PRC1: variants seen among roughly 807,000 people sequenced by gnomAD.
PRC1 encodes protein regulator of cytokinesis 1, also known as anaphase spindle elongation 1 homolog.
In PRC1, 54 loss-of-function variants were observed where a neutral mutation model predicts 91.2. The observed-to-expected ratio is 0.59, with a 90% CI of 0.48 to 0.74. The LOEUF is 0.74. PRC1 is among the 30% of genes least tolerant of loss of function. The pLI is 0.00. For synonymous variants in PRC1, 275 were observed against 263.6 expected, an observed-to-expected ratio of 1.04 and a Z score of -0.42; for missense variants, 727 against 746.2, an observed-to-expected ratio of 0.97 and a Z score of 0.30.
At position 90,982,552 on chromosome 15, in the gene PRC1, A is replaced by G. The variant is rs538468325; in HGVS notation, c.268-571T>C. On this transcript the variant is annotated intron_variant, in intron 3 of 14. Transcript: ENST00000394249. ...TCACGAGGTCAGCAGTTTGAGACCA[A>G]CCTGGCCAACATGGTGAAACCCCGT... 8 of 153,138 alleles carry G rather than the reference A, an allele frequency of 5.2e-5. No homozygotes were observed. The South Asian group carries it at 8.2e-4, about 16-fold the overall frequency. 9.5% of individuals were successfully genotyped at this position (153,138 alleles called of 1,614,324 possible).
At position 90,981,750 on chromosome 15, in the gene PRC1, T is replaced by C. The variant is rs1387781059; in HGVS notation, c.499A>G (p.Lys167Glu). The C allele has an allele frequency of 1.2e-6, 2 of 1,610,260 alleles. No individual in the cohort carries two copies. Among genetic ancestry groups the C allele is most frequent in the Admixed American group, 1.7e-5 (1 of 59,708 alleles). The change falls in exon 4 of 15, where the codon AAG (lysine) becomes GAG (glutamate). Residue 167 changes from lysine (K) to glutamate (E), a missense_variant and splice_region_variant. By Grantham distance (56) the Lys-to-Glu change is moderately conservative (BLOSUM62 1). Coordinates refer to ENST00000394249, the MANE Select transcript of PRC1 (RefSeq NM_003981.4). ...RQHVTTLRET[K>E]ASRREEFVSI... ...AAGAACAAATGTAGGCAGTGTACCT[T>C]TGTTTCCCTCAAAGTTGTCACATGT...
Position 90,974,442 on chromosome 15 carries a change from C to T in PRC1, c.1350+143G>A, listed in dbSNP as rs1361372201. ...CCCCGGTCCCCGGCTCCCCGTTCCACAAGCCCCGGTCCCCGGCTTCCCGTT... is the reference window on the plus strand; with the variant it reads ...CCCCGGTCCCCGGCTCCCCGTTCCATAAGCCCCGGTCCCCGGCTTCCCGTT... On this transcript the variant is annotated intron_variant, in intron 10 of 14. Coordinates refer to ENST00000394249, the MANE Select transcript of PRC1 (RefSeq NM_003981.4). The surrounding 1 kb of genome is among the most constrained non-coding windows in gnomAD (Gnocchi z 4.6). The T allele has an allele frequency of 6.1e-6, 8 of 1,315,642 alleles. No individual in the cohort carries two copies. The East Asian group carries it at 9.3e-5, about 15-fold the overall frequency. 81.5% of individuals were successfully genotyped at this position (1,315,642 alleles called of 1,614,324 possible). A position where few individuals can be genotyped will look rare whatever the true frequency, so the allele number is the denominator to read the frequency against.
intron 11 of PRC1, 129 bp from the exon 12 acceptor site, chr15:90,970,643 G>T: frequency 1.5e-6 from 1 of 660,704 alleles, no homozygotes; most frequent in Non-Finnish European, 2.7e-6. Context: ...CATGGTGAAG[G>T]GCCTGCTGTG....
intron 14 of PRC1, chr15:90,967,814 C>G (rs902175669): frequency 3.1e-6 from 3 of 980,038 alleles, no homozygotes; most frequent in Non-Finnish European, 3.6e-6. Flanking sequence ...AGAACATATC[C>G]CTGTCATTAA....
intron 11 of PRC1, among the ~76,000 whole-genome samples, 190 bp from the exon 12 acceptor site, chr15:90,970,704 T>C (rs2038046481): frequency 6.6e-6 from 1 of 152,224 alleles, no homozygotes; most frequent in Admixed American, 6.5e-5. Flanking sequence ...TCAAAGCCTA[T>C]TGCTATCCAG....
chr15:90,990,365 AAAATAAAT>A (rs1186419876), intron 1 of PRC1, among the ~76,000 whole-genome samples: 4 of 146,712 alleles, frequency 2.7e-5, no homozygotes, highest in Non-Finnish European at 4.5e-5. Context: ...AATAAAAAAT[AAAATAAAT>A]AAATAAATAA....
chr15:90,966,567 C>G lies in PRC1; in HGVS notation c.*564G>C. ...TGAACACAATTTAACAAAGCTGCTC[C>G]CAGCCTTCCTGTCACCTCTTTGGCA... On this transcript the variant is annotated 3_prime_UTR_variant, in exon 15 of 15. Transcript: ENST00000394249. The G allele has an allele frequency of 2.2e-6, 1 of 456,024 alleles. No individual in the cohort carries two copies. The highest frequency in any genetic ancestry group is 4.4e-6 in the Non-Finnish European group (1 of 226,832). 28.2% of individuals were successfully genotyped at this position (456,024 alleles called of 1,614,324 possible).
At chr15:90,981,400 A>G in intron 5 of PRC1, 99 bp downstream of exon 5, 1 of 1,354,860 alleles carries the variant, frequency 7.4e-7, no homozygotes, top group South Asian at 1.3e-5. Flanking sequence ...CTCTTACCTT[A>G]CATTGTCTCC....
At chr15:90,989,214 T>C (rs1394081086) in intron 1 of PRC1, among the ~76,000 whole-genome samples, 1 of 152,114 alleles carries the variant, frequency 6.6e-6, no homozygotes, top group Non-Finnish European at 1.5e-5. Context: ...TGCAAGACGG[T>C]ACAGCCTCTT....
In PRC1 at chr15:90,966,694, T is replaced by G. The variant is rs751352898; in HGVS notation, c.*437A>C. 21 of 455,916 alleles carry G rather than the reference T, an allele frequency of 4.6e-5. No individual in the cohort carries two copies. The highest frequency in any genetic ancestry group is 8.4e-5 in the Non-Finnish European group (19 of 226,910). 28.2% of individuals were successfully genotyped at this position (455,916 alleles called of 1,614,324 possible). On this transcript the variant is annotated 3_prime_UTR_variant, in exon 15 of 15. Coordinates refer to ENST00000394249, the MANE Select transcript of PRC1 (RefSeq NM_003981.4). ...AAGGCTTCAGGTAAGAGCAAAGCTA[T>G]GATAGCTACAGCATTAATTGAACAT...
chr15:90,969,155 T>A, intron 13 of PRC1, 35 bp from the exon 14 acceptor site: 1 of 1,588,344 alleles, frequency 6.3e-7, no homozygotes, highest in Non-Finnish European at 8.6e-7. Context: ...TACCAAGAAC[T>A]CCACCAAGAG....
In PRC1 at chr15:90,967,834, G is replaced by A. The variant is rs1464774774; in HGVS notation, c.1792-632C>T. On this transcript the variant is annotated intron_variant, in intron 14 of 14. Transcript: ENST00000394249. ...ATATCCCTGTCATTAAGCGAGGCAT[G>A]ACTCTACTTCACAGAGCTACTTTAG... 5.1e-6 allele frequency: 5 copies of A among 984,864 alleles called. No individual in the cohort carries two copies. In the African/African-American group the frequency reaches 5.2e-5, roughly 10 times the overall value. 61.0% of individuals were successfully genotyped at this position (984,864 alleles called of 1,614,324 possible).
chr15:90,989,094 A>G (rs2039785968), intron 1 of PRC1, among the ~76,000 whole-genome samples: 1 of 152,224 alleles, frequency 6.6e-6, no homozygotes, highest in South Asian at 2.1e-4. Flanking sequence ...GGAAATGCAA[A>G]TCAAAACCAC....
chr15:90,991,018 C>T (rs1022009171), intron 1 of PRC1, among the ~76,000 whole-genome samples: 30 of 151,342 alleles, frequency 2.0e-4, no homozygotes, highest in Admixed American at 1.5e-3. Flanking sequence ...ACCTCGTGAT[C>T]CGACCGCCTC....
Position 90,979,249 on chromosome 15 carries a change from A to G in PRC1, c.1016T>C (p.Val339Ala). 1.2e-6 allele frequency: 2 copies of G among 1,614,212 alleles called. No individual in the cohort carries two copies. Among genetic ancestry groups the G allele is most frequent in the South Asian group, 1.1e-5 (1 of 91,086 alleles). ...SLLQLHDAEIVRLKNYYEVHK... is the reference protein window; with the variant it reads ...SLLQLHDAEIARLKNYYEVHK... Reference sequence around the variant, plus strand: ...AACTTCATAGTAGTTTTTTAACCGCACAATCTCAGCATCGTGGAGCTGGAG... The same window carrying G: ...AACTTCATAGTAGTTTTTTAACCGCGCAATCTCAGCATCGTGGAGCTGGAG... The change falls in exon 8 of 15, where the codon GTG (valine) becomes GCG (alanine). Residue 339 changes from valine (V) to alanine (A), a missense_variant. Transcript: ENST00000394249.
At chr15:90,969,657 C>A in intron 12 of PRC1, 34 bp from the exon 13 acceptor site, 1 of 1,552,066 alleles carries the variant, frequency 6.4e-7, no homozygotes, top group South Asian at 1.2e-5. Context: ...ATGTATCATC[C>A]TTCTAATGAA....
chr15:90,987,470 A>G (rs2039668963), intron 1 of PRC1, among the ~76,000 whole-genome samples: 1 of 152,196 alleles, frequency 6.6e-6, no homozygotes, highest in East Asian at 1.9e-4. Context: ...TTATTCTTCA[A>G]TTACCAAAAG....
rs373451090 is a variant in PRC1 at position 90,981,545 on chromosome 15, C to G, written c.626G>C (p.Cys209Ser). The stretch of plus-strand genomic sequence containing the variant: ...TGTTGCAATATTCTCCAAAGACAAA[C>G]AAAAGGCATCTTCGTCTTCACACAC... ...DVVCEDEDAF[C>S]LSLENIATLQ... The change falls in exon 5 of 15, where the codon TGT (cysteine) becomes TCT (serine). Residue 209 changes from cysteine (C) to serine (S), a missense_variant. By Grantham distance (112) the Cys-to-Ser change is moderately radical (BLOSUM62 -1). Transcript: ENST00000394249. 6.2e-7 allele frequency: 1 copy of G among 1,613,922 alleles called. No homozygotes were observed. The highest frequency in any genetic ancestry group is 1.3e-5 in the African/African-American group (1 of 74,934).
chr15:90,979,601 A>C lies in PRC1; in HGVS notation c.971-307T>G, dbSNP rs2039020655. Among the ~76,000 whole-genome samples, 3 of 152,186 alleles carry C rather than the reference A, an allele frequency of 2.0e-5. 1 individual carries two copies. The South Asian group carries it at 6.2e-4, about 32-fold the overall frequency. On this transcript the variant is annotated intron_variant, in intron 7 of 14. Coordinates refer to ENST00000394249, the MANE Select transcript of PRC1 (RefSeq NM_003981.4). ...TTCTGCTTTTCTGTCTTGCCCAGCC[A>C]GTAGAGGGGTGGATCACAGAAAATG...
Sources: allele counts gnomAD v4.1 joint callset (sites outside exome capture counted in the v4.1 genomes callset), GRCh38; gene constraint gnomAD v4.1.1; non-coding constraint Gnocchi (gnomAD v3.1); transcripts MANE v1.5; gene names NCBI Gene and HGNC (gene_info 2026-07-23, HGNC 2026-07-21).